The following GPSM1 variants were observed in gnomAD, a reference collection of about 807,000 sequenced individuals.
GPSM1 encodes G protein signaling modulator 1, also known as G protein-signaling modulator 1.
A neutral mutation model predicts 70.5 loss-of-function variants in GPSM1; 48 were observed. The observed-to-expected ratio is 0.68, with a 90% CI of 0.54 to 0.87. GPSM1 has a LOEUF of 0.87. Ranked by LOEUF, GPSM1 falls within the 40% of genes least tolerant of loss-of-function variation. The probability of loss-of-function intolerance (pLI) is 0.00; values close to 1 mark genes in which losing one functional copy is unlikely to be tolerated. For synonymous variants in GPSM1, 416 were observed against 430.1 expected, an observed-to-expected ratio of 0.97 and a Z score of 0.41; for missense variants, 981 against 972.6, an observed-to-expected ratio of 1.01 and a Z score of -0.11.
In GPSM1 at chr9:136,340,926, G is replaced by A. The variant is rs1832373496; in HGVS notation, c.1140G>A (p.Leu380=). ...GCATGAACGTGGCGCAGCTGCAGCT[G>A]GTGCTCGGCCGCCTGACCAGCCCGG... ...TARMNVAQLQ[L]VLGRLTSPAA... is the part of the protein sequence containing the mutation. The change falls in exon 9 of 14, where the codon CTG becomes CTA. Residue 380 remains leucine (L), a synonymous_variant. Coordinates refer to ENST00000440944, the MANE Select transcript of GPSM1 (RefSeq NM_001145638.3). This position sits in a 1 kb window ranked among gnomAD's most constrained non-coding sequence, Gnocchi z 7.3. 1 of 1,570,500 alleles carries A rather than the reference G, an allele frequency of 6.4e-7. No homozygotes were observed.
In GPSM1 at chr9:136,343,156, C is replaced by T. The variant is rs1029368795; in HGVS notation, c.1207+2163C>T. Among the ~76,000 whole-genome samples the T allele has an allele frequency of 2.0e-5, 3 of 152,184 alleles. No homozygotes were observed. The highest frequency in any genetic ancestry group is 4.4e-5 in the Non-Finnish European group (3 of 68,014). On this transcript the variant is annotated intron_variant, in intron 9 of 13. Transcript: ENST00000440944. This position sits in a 1 kb window ranked among gnomAD's most constrained non-coding sequence, Gnocchi z 6.0. ...TGCCAGCCACTGCCCTTGTCCAGCT[C>T]CTCTGGGTGTGTGGCCTCTATGAGA...
At chr9:136,356,667 T>C (rs1489058727) in intron 13 of GPSM1, 117 bp downstream of exon 13, 13 of 721,788 alleles carry the variant, frequency 1.8e-5, no homozygotes, top group African/African-American at 5.4e-5. Flanking sequence ...CCGGTCATGT[T>C]TGAGGGACTC....
At position 136,327,613 on chromosome 9, in the gene GPSM1, C is replaced by T. The variant is rs1832000028; in HGVS notation, c.-83C>T. On this transcript the variant is annotated 5_prime_UTR_variant, in exon 1 of 14. Coordinates refer to ENST00000440944, the MANE Select transcript of GPSM1 (RefSeq NM_001145638.3). ...GACAGGCGGACAGCAGGGCGGACAG[C>T]AGGGAGGACAGCAGGGCGGGCAGGG... 6 of 264,618 alleles carry T rather than the reference C, an allele frequency of 2.3e-5. No homozygotes were observed. Among genetic ancestry groups the T allele is most frequent in the Non-Finnish European group, 3.7e-5 (6 of 163,342 alleles). The allele number at this position is 264,618 out of a possible 1,614,324, so 16.4% of individuals were successfully genotyped here.
chr9:136,337,742 A>G, intron 5 of GPSM1, 104 bp from the exon 6 acceptor site: 6 of 1,049,700 alleles, frequency 5.7e-6, no homozygotes, highest in Non-Finnish European at 8.7e-6. Context: ...ACCCGGACAC[A>G]CAGATCTCTG....
intron 3 of GPSM1, among the ~76,000 whole-genome samples, chr9:136,336,341 C>T (rs1832235017): frequency 6.6e-6 from 1 of 152,162 alleles, no homozygotes; most frequent in South Asian, 2.1e-4. Flanking sequence ...TTCTGCCGCC[C>T]CTCTCGGTGA....
At chr9:136,356,139 CCT>C (rs1325681506) in intron 12 of GPSM1, among the ~76,000 whole-genome samples, 2 of 152,246 alleles carry the variant, frequency 1.3e-5, no homozygotes, top group Non-Finnish European at 2.9e-5. Context: ...CCTGGAAGCC[CCT>C]GAGGTGGGCG....
At chr9:136,330,799 G>A (rs1832081244) in intron 1 of GPSM1, among the ~76,000 whole-genome samples, 1 of 152,150 alleles carries the variant, frequency 6.6e-6, no homozygotes, top group Admixed American at 6.5e-5. Context: ...CTTGGGAACT[G>A]GCCTTGGTGA....
At chr9:136,336,369 CCA>C in intron 3 of GPSM1, among the ~76,000 whole-genome samples, 1 of 152,200 alleles carries the variant, frequency 6.6e-6, no homozygotes, top group East Asian at 1.9e-4. Flanking sequence ...CCGAATCCCT[CCA>C]CACCCCCAGT....
intron 3 of GPSM1, among the ~76,000 whole-genome samples, 167 bp from the exon 4 acceptor site, chr9:136,336,754 T>C (rs1434231672): frequency 3.3e-5 from 5 of 151,990 alleles, no homozygotes; most frequent in African/African-American, 1.2e-4. Context: ...GCTTCCCGGG[T>C]GTGCCGTCCT....
chr9:136,348,968 G>A (rs1323156274), intron 10 of GPSM1, among the ~76,000 whole-genome samples: 1 of 152,248 alleles, frequency 6.6e-6, no homozygotes, highest in South Asian at 2.1e-4. Context: ...CTGTGCCCCA[G>A]GCGAGGCATG....
intron 13 of GPSM1, 55 bp from the exon 14 acceptor site, chr9:136,357,959 C>T: frequency 7.0e-7 from 1 of 1,420,158 alleles, no homozygotes; most frequent in Non-Finnish European, 9.9e-7. Flanking sequence ...GCTGACCAGC[C>T]CCGGACCACT....
chr9:136,346,108 C>T (rs540238494), intron 9 of GPSM1, among the ~76,000 whole-genome samples: 2 of 152,318 alleles, frequency 1.3e-5, no homozygotes, highest in Admixed American at 1.3e-4. Context: ...CTGCTCAGGC[C>T]CCTGATGGGC....
chr9:136,353,774 C>T (rs1177622210), intron 11 of GPSM1, among the ~76,000 whole-genome samples: 3 of 152,148 alleles, frequency 2.0e-5, no homozygotes, highest in East Asian at 1.9e-4. Flanking sequence ...AGGCCCCCCG[C>T]GGCTGTGCCC....
chr9:136,328,047 G>A (rs797030752), intron 1 of GPSM1, among the ~76,000 whole-genome samples: 18 of 152,254 alleles, frequency 1.2e-4, no homozygotes, highest in African/African-American at 4.1e-4. Flanking sequence ...ACCTGGCAGG[G>A]GCACCGTGGG....
chr9:136,334,003 G>A (rs933900589), intron 1 of GPSM1, among the ~76,000 whole-genome samples: 1 of 151,668 alleles, frequency 6.6e-6, no homozygotes, highest in Non-Finnish European at 1.5e-5. Context: ...AGCCTCAGTT[G>A]TTCTTGGTGG....
At chr9:136,337,416 C>T (rs782622358) in intron 4 of GPSM1, 25 bp from the exon 5 acceptor site, 105 of 1,564,628 alleles carry the variant, frequency 6.7e-5, no homozygotes, top group Middle Eastern at 1.7e-4. Flanking sequence ...GGGAGGGACA[C>T]GGCTCAGAGG....
intron 3 of GPSM1, 148 bp from the exon 4 acceptor site, chr9:136,336,773 C>T (rs1276665359): frequency 2.4e-5 from 18 of 763,662 alleles, no homozygotes; most frequent in East Asian, 1.4e-4. Context: ...CTCAGGCTTC[C>T]GCCCCTGCCT....
chr9:136,354,561 C>T (rs1254363291), intron 11 of GPSM1, among the ~76,000 whole-genome samples: 1 of 152,214 alleles, frequency 6.6e-6, no homozygotes, highest in East Asian at 1.9e-4. Context: ...AGGCTGGGGC[C>T]GGGCAGGGGC....
Position 136,351,150 on chromosome 9 carries a change from C to T in GPSM1, c.1455+1387C>T, listed in dbSNP as rs374812900. ...TGCTGGGCTGGGATTCGCAGCCCCC[C>T]GAGGCTGCCCAAGCCCATCCTTCCC... On this transcript the variant is annotated intron_variant, in intron 11 of 13. Coordinates refer to ENST00000440944, the MANE Select transcript of GPSM1 (RefSeq NM_001145638.3). 1.5e-3 allele frequency among the ~76,000 whole-genome samples: 223 copies of T among 152,316 alleles called. 1 individual carries two copies. Among genetic ancestry groups the T allele is most frequent in the African/African-American group, 4.8e-3 (201 of 41,572 alleles).
Sources: gnomAD v4.1 joint callset for allele counts (sites outside exome capture counted in the v4.1 genomes callset) on GRCh38, gnomAD v4.1.1 for gene constraint, Gnocchi (gnomAD v3.1) non-coding constraint, MANE v1.5 for transcripts, NCBI Gene and HGNC (gene_info 2026-07-23, HGNC 2026-07-21) for gene names.